TSC22D1: variants seen among roughly 807,000 people sequenced by gnomAD.
The protein encoded by TSC22D1 is TSC22 domain family member 1.
In TSC22D1, 9 loss-of-function variants were observed where a neutral mutation model predicts 74.2. The observed-to-expected ratio is 0.12, with a 90% CI of 0.07 to 0.21. The LOEUF (loss-of-function observed/expected upper bound fraction) is 0.21. Among genes scored for constraint, TSC22D1 ranks in the 10% least tolerant of loss-of-function variants. The probability of loss-of-function intolerance (pLI) is 1.00; values close to 1 mark genes in which losing one functional copy is unlikely to be tolerated. For missense variants in TSC22D1, 1,427 were observed against 1,304.7 expected, an observed-to-expected ratio of 1.09 and a Z score of -1.44; for synonymous variants, 586 against 492.5, an observed-to-expected ratio of 1.19 and a Z score of -2.51.
At chr13:44,538,596 G>A (rs1691857415) in intron 1 of TSC22D1, 2 of 985,214 alleles carry the variant, frequency 2.0e-6, no homozygotes, top group Admixed American at 1.2e-4. Flanking sequence ...CTTCTGAATA[G>A]AAAGAAATAT....
At chr13:44,540,991 T>C (rs1881436174) in intron 1 of TSC22D1, among the ~76,000 whole-genome samples, 1 of 152,160 alleles carries the variant, frequency 6.6e-6, no homozygotes, top group African/African-American at 2.4e-5. Flanking sequence ...TCAGTCACAG[T>C]ATCCTATTTC....
intron 1 of TSC22D1, among the ~76,000 whole-genome samples, chr13:44,556,843 G>T (rs1164835770): frequency 6.6e-6 from 1 of 152,032 alleles, no homozygotes; most frequent in African/African-American, 2.4e-5. Flanking sequence ...AAGACCTAAT[G>T]CAGATGTCTA....
chr13:44,461,652 C>G (rs1283588377), intron 1 of TSC22D1, among the ~76,000 whole-genome samples: 2 of 152,092 alleles, frequency 1.3e-5, no homozygotes, highest in African/African-American at 4.8e-5. Flanking sequence ...GGAAGGTGCC[C>G]AAACAGTAGG....
intron 1 of TSC22D1, among the ~76,000 whole-genome samples, chr13:44,527,472 C>T (rs914282160): frequency 7.2e-5 from 11 of 152,160 alleles, no homozygotes; most frequent in East Asian, 1.9e-4. Context: ...AAGGTGGATT[C>T]GTTGTAAATG....
rs1467476687 is a variant in TSC22D1 at position 44,573,302 on chromosome 13, G to A, written c.2773C>T (p.Pro925Ser). 2.5e-6 allele frequency: 4 copies of A among 1,614,116 alleles called. No homozygotes were observed. Among genetic ancestry groups the A allele is most frequent in the African/African-American group, 1.3e-5 (1 of 74,932 alleles). Reference sequence around the variant, plus strand: ...CCACTGTCACCACTGATAGTCTGAGGTAAGCCAACTAAGGAGGGCTCCGCT... The same window carrying A: ...CCACTGTCACCACTGATAGTCTGAGATAAGCCAACTAAGGAGGGCTCCGCT... ...RAAEPSLVGL[P>S]QTISGDSGGM... is the part of the protein sequence containing the mutation. The change falls in exon 1 of 3, where the codon CCT (proline) becomes TCT (serine). Residue 925 changes from proline to serine, a missense_variant. Pro to Ser is a moderately conservative substitution (Grantham distance 74). Around this residue, in one of 3 missense-constraint regions of TSC22D1, gnomAD observed 1,343 missense variants for 1,191.5 expected, o/e 1.13. Coordinates refer to ENST00000458659, the MANE Select transcript of TSC22D1 (RefSeq NM_183422.4).
At chr13:44,529,258 G>C (rs1368758144) in intron 1 of TSC22D1, among the ~76,000 whole-genome samples, 2 of 151,918 alleles carry the variant, frequency 1.3e-5, no homozygotes, top group African/African-American at 4.8e-5. Flanking sequence ...ATATATACGA[G>C]GCTGGTTTGA....
chr13:44,574,191 C>T lies in TSC22D1; in HGVS notation c.1884G>A (p.Gln628=), dbSNP rs1218153450. Residue 628 remains glutamine, a synonymous_variant, in exon 1 of 3, where the codon CAG becomes CAA. Coordinates refer to ENST00000458659, the MANE Select transcript of TSC22D1 (RefSeq NM_183422.4). The part of the protein sequence containing the change: ...LPGAPPPQQL[Q]YGQQQPMVST... ...AAACCATTGGTTGCTGTTGTCCATA[C>T]TGTAACTGTTGGGGTGGTGGTGCCC... 2.5e-6 allele frequency: 4 copies of T among 1,614,020 alleles called. No homozygotes were observed. In the African/African-American group the frequency reaches 5.3e-5, roughly 22 times the overall value.
intron 1 of TSC22D1, among the ~76,000 whole-genome samples, chr13:44,532,176 G>A (rs1880874957): frequency 6.6e-6 from 1 of 152,188 alleles, no homozygotes; most frequent in Non-Finnish European, 1.5e-5. Flanking sequence ...CTGTAACACT[G>A]AGTCAATTTC....
intron 1 of TSC22D1, among the ~76,000 whole-genome samples, chr13:44,568,735 A>G (rs1010766189): frequency 1.3e-5 from 2 of 152,222 alleles, no homozygotes; most frequent in African/African-American, 4.8e-5. Flanking sequence ...GTTCTACAGG[A>G]AAGGTAGAGC....
intron 1 of TSC22D1, among the ~76,000 whole-genome samples, chr13:44,483,045 C>G (rs978745847): frequency 1.3e-5 from 2 of 152,118 alleles, no homozygotes; most frequent in African/African-American, 4.8e-5. Flanking sequence ...TTGTAATATT[C>G]TTTACATTAA....
At chr13:44,514,502 A>C (rs190451952) in intron 1 of TSC22D1, among the ~76,000 whole-genome samples, 136 of 152,216 alleles carry the variant, frequency 8.9e-4, no homozygotes, top group African/African-American at 3.2e-3. Context: ...CTAATCCAAA[A>C]CACACACATA....
intron 1 of TSC22D1, among the ~76,000 whole-genome samples, chr13:44,442,490 GA>G (rs1161285914): frequency 1.2e-4 from 19 of 152,238 alleles, no homozygotes; most frequent in Middle Eastern, 3.4e-3. Context: ...TTATCAAGGT[GA>G]AAAATACAAT....
At chr13:44,490,937 A>ATATAT in intron 1 of TSC22D1, among the ~76,000 whole-genome samples, 1 of 149,670 alleles carries the variant, frequency 6.7e-6, no homozygotes, top group Non-Finnish European at 1.5e-5. Context: ...CATTAAAAAA[A>ATATAT]ATATATATAC....
rs1421992975 is a variant in TSC22D1, at chr13:44,433,677, T to A, written c.*949A>T. On this transcript the variant is annotated 3_prime_UTR_variant, in exon 3 of 3. Transcript: ENST00000458659. Reference sequence around the variant, plus strand: ...ACCCCTACTGGGAAATCCATTTCATTAGTTAGAACTGAGCATTTTTCAAAG... The same window carrying A: ...ACCCCTACTGGGAAATCCATTTCATAAGTTAGAACTGAGCATTTTTCAAAG... 6.0e-6 allele frequency: 2 copies of A among 335,798 alleles called. No homozygotes were observed. Among genetic ancestry groups the A allele is most frequent in the African/African-American group, 4.4e-5 (2 of 45,922 alleles). 20.8% of individuals were successfully genotyped at this position (335,798 alleles called of 1,614,324 possible).
chr13:44,473,388 G>C (rs981231733), intron 1 of TSC22D1, among the ~76,000 whole-genome samples: 1 of 152,082 alleles, frequency 6.6e-6, no homozygotes, highest in African/African-American at 2.4e-5. Flanking sequence ...CCAGCTACTT[G>C]GAAGGCTGAG....
intron 1 of TSC22D1, among the ~76,000 whole-genome samples, chr13:44,477,638 ATTTTTT>A (rs35355914): frequency 8.0e-6 from 1 of 125,390 alleles, no homozygotes; most frequent in Non-Finnish European, 1.6e-5. Context: ...GTGCTCATAG[ATTTTTT>A]TTTTTTTTTT....
chr13:44,556,821 A>G (rs982131283), intron 1 of TSC22D1, among the ~76,000 whole-genome samples: 6 of 151,772 alleles, frequency 4.0e-5, no homozygotes, highest in Non-Finnish European at 7.4e-5. Context: ...AGCCGAGATC[A>G]TGCCACCTCT....
At chr13:44,524,435 C>A (rs554730325) in intron 1 of TSC22D1, among the ~76,000 whole-genome samples, 2 of 152,272 alleles carry the variant, frequency 1.3e-5, no homozygotes, top group African/African-American at 4.8e-5. Context: ...AAGCCAACAA[C>A]TGGAAGAAAA....
At chr13:44,525,135 G>A (rs1274650074) in intron 1 of TSC22D1, among the ~76,000 whole-genome samples, 1 of 152,146 alleles carries the variant, frequency 6.6e-6, no homozygotes, top group Non-Finnish European at 1.5e-5. Context: ...AAGCTGAGAA[G>A]CATTTGTAAA....
Sources: gnomAD v4.1 joint callset for allele counts (sites outside exome capture counted in the v4.1 genomes callset) on GRCh38, gnomAD v4.1.1 for gene constraint, gnomAD v4.1.1 regional missense constraint, MANE v1.5 for transcripts, NCBI Gene and HGNC (gene_info 2026-07-23, HGNC 2026-07-21) for gene names.